Variants in CCSER2 observed in about 807,000 individuals in gnomAD.
CCSER2 encodes the protein coiled-coil serine rich protein 2, also known as serine-rich coiled-coil domain-containing protein 2.
Under a neutral mutation model 92.3 loss-of-function variants are expected in CCSER2, and 46 were observed. The observed-to-expected ratio is 0.50, with a 90% CI of 0.39 to 0.64. The LOEUF is 0.64. Ranked by LOEUF, CCSER2 falls within the 30% of genes least tolerant of loss-of-function variation. The pLI is 0.00. For missense variants in CCSER2, 1,244 were observed against 1,238.9 expected, an observed-to-expected ratio of 1.00 and a Z score of -0.06; for synonymous variants, 433 against 431.4, an observed-to-expected ratio of 1.00 and a Z score of -0.04.
At chr10:84,376,664 T>G (rs755235196) in intron 3 of CCSER2, among the ~76,000 whole-genome samples, 27 of 152,164 alleles carry the variant, frequency 1.8e-4, no homozygotes, top group Non-Finnish European at 3.8e-4. Flanking sequence ...GATTTTGATA[T>G]ATGTTTTTTT....
chr10:84,365,304 G>A (rs1042484454), intron 1 of CCSER2, among the ~76,000 whole-genome samples: 1 of 152,128 alleles, frequency 6.6e-6, no homozygotes, highest in Admixed American at 6.5e-5. Context: ...TTTAGGTAAA[G>A]TGCATCAAAG....
At chr10:84,341,139 C>T (rs965720745) in intron 1 of CCSER2, among the ~76,000 whole-genome samples, 1 of 148,392 alleles carries the variant, frequency 6.7e-6, no homozygotes, top group African/African-American at 2.5e-5. Flanking sequence ...CTCCTGGACT[C>T]AAGTGATGTG....
chr10:84,438,767 T>C (rs984078687), intron 6 of CCSER2, 60 bp downstream of exon 6: 3 of 1,065,614 alleles, frequency 2.8e-6, no homozygotes, highest in African/African-American at 1.6e-5. Flanking sequence ...GGATTGACTT[T>C]AGTTTTTTTT....
chr10:84,428,985 G>GTATATATATATATATATATATATA (rs60243946), intron 5 of CCSER2, among the ~76,000 whole-genome samples: 8 of 140,894 alleles, frequency 5.7e-5, no homozygotes, highest in South Asian at 2.2e-4. Context: ...GTGTGTATGT[G>GTATATATATATATATATATATATA]TATATATATA....
intron 3 of CCSER2, among the ~76,000 whole-genome samples, chr10:84,407,706 A>G (rs1010295426): frequency 4.6e-5 from 7 of 152,198 alleles, no homozygotes; most frequent in Admixed American, 4.6e-4. Context: ...TCAATTTGTC[A>G]CTTTTTAAAA....
intron 6 of CCSER2, chr10:84,452,272 T>C (rs1351884854): frequency 6.6e-6 from 1 of 152,168 alleles, no homozygotes; most frequent in Non-Finnish European, 1.5e-5. Flanking sequence ...CAGGAAGATC[T>C]CAGTTTTTGC....
chr10:84,385,035 C>CACACACACACACA (rs1554838173), intron 3 of CCSER2, among the ~76,000 whole-genome samples: 1 of 119,646 alleles, frequency 8.4e-6, no homozygotes, highest in Non-Finnish European at 1.8e-5. Context: ...ACACACACAC[C>CACACACACACACA]CAGGAATACA....
At chr10:84,451,996 A>G (rs1845321974) in intron 6 of CCSER2, among the ~76,000 whole-genome samples, 2 of 152,202 alleles carry the variant, frequency 1.3e-5, no homozygotes, top group South Asian at 4.1e-4. Context: ...GGACTGTGTG[A>G]TGTGATGTGA....
At chr10:84,424,242 C>T (rs1350661885) in intron 4 of CCSER2, among the ~76,000 whole-genome samples, 4 of 150,744 alleles carry the variant, frequency 2.7e-5, no homozygotes, top group African/African-American at 9.8e-5. Context: ...ACATAATGGT[C>T]ACCATGCCTT....
intron 1 of CCSER2, among the ~76,000 whole-genome samples, chr10:84,353,113 G>A (rs893053922): frequency 9.2e-5 from 14 of 152,164 alleles, no homozygotes; most frequent in African/African-American, 3.4e-4. Context: ...TCTTATAAGT[G>A]AATAGCACAG....
chr10:84,446,640 G>C (rs556871839), intron 6 of CCSER2, among the ~76,000 whole-genome samples: 1 of 152,156 alleles, frequency 6.6e-6, no homozygotes, highest in South Asian at 2.1e-4. Flanking sequence ...ACAACATAAG[G>C]GTTCAGTTTA....
intron 1 of CCSER2, among the ~76,000 whole-genome samples, chr10:84,357,197 G>T (rs985301666): frequency 8.6e-5 from 13 of 152,040 alleles, no homozygotes; most frequent in African/African-American, 2.9e-4. Context: ...TTGATACCAT[G>T]AAGAATGTGT....
chr10:84,510,074 A>G (rs756054191), intron 9 of CCSER2, among the ~76,000 whole-genome samples: 5 of 152,130 alleles, frequency 3.3e-5, no homozygotes, highest in Non-Finnish European at 5.9e-5. Context: ...ATCTCCCATC[A>G]TCTACAGCAC....
chr10:84,372,921 C>A (rs1306623622), intron 2 of CCSER2, among the ~76,000 whole-genome samples: 1 of 151,962 alleles, frequency 6.6e-6, no homozygotes, highest in Non-Finnish European at 1.5e-5. Flanking sequence ...CTAGAAAATT[C>A]TTCTTGTTTA....
rs180672192 is a variant in CCSER2, at chr10:84,459,268, A to G, written c.2065-4665A>G. 1.6e-4 allele frequency among the ~76,000 whole-genome samples: 24 copies of G among 152,200 alleles called. No individual in the cohort carries two copies. In the East Asian group the frequency reaches 4.2e-3, roughly 27 times the overall value. On this transcript the variant is annotated intron_variant, in intron 6 of 9. Coordinates refer to ENST00000372088, the MANE Select transcript of CCSER2 (RefSeq NM_001284240.2). ...TGTGGTCTGCCTGCCTCAGCCTCCC[A>G]AATTTCTAGTACTTTTATTATAGAT...
intron 3 of CCSER2, among the ~76,000 whole-genome samples, chr10:84,378,540 T>C (rs1398252181): frequency 1.3e-5 from 2 of 151,684 alleles, no homozygotes. Flanking sequence ...GTTCAAGCGT[T>C]TCTTCTGCCT....
intron 9 of CCSER2, among the ~76,000 whole-genome samples, chr10:84,512,051 A>T (rs1589848706): frequency 6.6e-6 from 1 of 152,084 alleles, no homozygotes; most frequent in African/African-American, 2.4e-5. Context: ...GTATGCCATC[A>T]TAGCCAACCA....
chr10:84,363,211 C>G (rs1013766055), intron 1 of CCSER2, among the ~76,000 whole-genome samples: 1 of 143,956 alleles, frequency 6.9e-6, no homozygotes, highest in Non-Finnish European at 1.5e-5. Flanking sequence ...CCAGACTGGT[C>G]TCAAACTCCT....
Position 84,340,323 on chromosome 10 carries a change from C to G in CCSER2, c.-40+11515C>G, listed in dbSNP as rs1483309058. Among the ~76,000 whole-genome samples, 3 of 152,228 alleles carry G rather than the reference C, an allele frequency of 2.0e-5. No individual in the cohort carries two copies. In the East Asian group the frequency reaches 5.8e-4, roughly 29 times the overall value. ...TGTATTTTACTGTTTGTTTTCGTGA[C>G]AGGTTGCTCTCTTGCCCCCACTTAT... On this transcript the variant is annotated intron_variant, in intron 1 of 9. Coordinates refer to ENST00000372088, the MANE Select transcript of CCSER2 (RefSeq NM_001284240.2).
Sources: gnomAD v4.1 joint callset for allele counts (sites outside exome capture counted in the v4.1 genomes callset) on GRCh38, gnomAD v4.1.1 for gene constraint, MANE v1.5 for transcripts, NCBI Gene and HGNC (gene_info 2026-07-23, HGNC 2026-07-21) for gene names.